TMEM132B: variants seen among roughly 807,000 people sequenced by gnomAD.
TMEM132B encodes transmembrane protein 132B.
TMEM132B carries 18 observed loss-of-function variants against 90.8 expected under a neutral mutation model. The observed-to-expected ratio is 0.20, with a 90% CI of 0.14 to 0.29. The LOEUF (loss-of-function observed/expected upper bound fraction) is 0.29. TMEM132B is among the 10% of genes least tolerant of loss of function. TMEM132B has a pLI of 1.00. For missense variants in TMEM132B, 1,096 were observed against 1,326.8 expected, an observed-to-expected ratio of 0.83 and a Z score of 2.70; for synonymous variants, 504 against 523.3, an observed-to-expected ratio of 0.96 and a Z score of 0.50.
intron 5 of TMEM132B, among the ~76,000 whole-genome samples, chr12:125,635,135 GATTT>G (rs1886451570): frequency 6.6e-6 from 1 of 152,140 alleles, no homozygotes; most frequent in Non-Finnish European, 1.5e-5. Context: ...CCTAGGGCTG[GATTT>G]ATTTATTTAA....
intron 1 of TMEM132B, among the ~76,000 whole-genome samples, chr12:125,339,843 C>A (rs924940306): frequency 5.3e-5 from 8 of 152,178 alleles, no homozygotes; most frequent in African/African-American, 1.4e-4. Context: ...AAGACCCTGT[C>A]CCAAAATACA....
chr12:125,588,898 G>T (rs1885240087), intron 5 of TMEM132B, among the ~76,000 whole-genome samples: 1 of 152,122 alleles, frequency 6.6e-6, no homozygotes, highest in South Asian at 2.1e-4. Flanking sequence ...TTAAATCTAT[G>T]TGTGATAAAA....
intron 1 of TMEM132B, among the ~76,000 whole-genome samples, chr12:125,299,351 C>T (rs1310064677): frequency 6.6e-6 from 1 of 152,150 alleles, no homozygotes; most frequent in Non-Finnish European, 1.5e-5. Flanking sequence ...TCCTGCCTCC[C>T]TGGCGGCTCC....
chr12:125,311,210 G>A (rs546267842), intron 1 of TMEM132B, among the ~76,000 whole-genome samples: 14 of 152,264 alleles, frequency 9.2e-5, no homozygotes, highest in Non-Finnish European at 1.6e-4. Context: ...CACTCAACCC[G>A]TTTGGCATCC....
At chr12:125,216,880 C>CATT (rs1164797438) in intron 1 of TMEM132B, among the ~76,000 whole-genome samples, 1 of 152,212 alleles carries the variant, frequency 6.6e-6, no homozygotes, top group Non-Finnish European at 1.5e-5. Context: ...GCAGCTCCTC[C>CATT]ATTATCCGCA....
rs772736831 is a variant in TMEM132B, at chr12:125,349,497, C to T, written c.113C>T (p.Ser38Leu). 8.2e-5 allele frequency: 132 copies of T among 1,613,694 alleles called. No homozygotes were observed. In the Admixed American group the frequency reaches 2.0e-3, roughly 25 times the overall value. ...GTGGATAGCCTGCAGAAGTTTTCCT[C>T]GCTCCCTGCTTACCTCCCCACGAAC... ...GIVDSLQKFS[S>L]LPAYLPTNLH... Residue 38 changes from serine to leucine, a missense_variant, in exon 2 of 9, where the codon TCG becomes TTG. Transcript: ENST00000682704. This position sits in a 1 kb window ranked among gnomAD's most constrained non-coding sequence, Gnocchi z 4.1.
At chr12:125,227,106 G>T (rs1192976818) in intron 1 of TMEM132B, among the ~76,000 whole-genome samples, 1 of 152,180 alleles carries the variant, frequency 6.6e-6, no homozygotes, top group African/African-American at 2.4e-5. Flanking sequence ...CTTGGGGTGG[G>T]TTCACTCCAA....
chr12:125,416,885 A>G (rs1169370654), intron 3 of TMEM132B, among the ~76,000 whole-genome samples: 2 of 152,102 alleles, frequency 1.3e-5, no homozygotes, highest in South Asian at 2.1e-4. Context: ...CCTGCTAGAC[A>G]CTCCTAAATT....
chr12:125,526,139 G>A lies in TMEM132B; in HGVS notation c.1293+6514G>A, dbSNP rs568744054. 5.3e-5 allele frequency among the ~76,000 whole-genome samples: 8 copies of A among 150,684 alleles called. No homozygotes were observed. The East Asian group carries it at 7.7e-4, about 15-fold the overall frequency. ...GTGTCACAGGCTGCCCAGCTACCCC[G>A]TTACCAGCCTCCCTCCTCTGGGCCT... On this transcript the variant is annotated intron_variant, in intron 4 of 8. Transcript: ENST00000682704.
At chr12:125,609,618 A>G (rs1885776100) in intron 5 of TMEM132B, among the ~76,000 whole-genome samples, 1 of 151,692 alleles carries the variant, frequency 6.6e-6, no homozygotes, top group Non-Finnish European at 1.5e-5. Context: ...GATCCAGACC[A>G]TCCTGGCCAA....
rs974778855 is a variant in TMEM132B at position 125,213,159 on chromosome 12, T to C, written c.67+26293T>C. Among the ~76,000 whole-genome samples the C allele has an allele frequency of 6.6e-6, 1 of 152,240 alleles. No individual in the cohort carries two copies. The stretch of plus-strand genomic sequence containing the variant: ...GCTGGTTCTGGCTATTTAATACAAA[T>C]GCAGTCTTAAAATATGCACCCTTTT... On this transcript the variant is annotated intron_variant, in intron 1 of 8. Coordinates refer to ENST00000682704, the MANE Select transcript of TMEM132B (RefSeq NM_001366854.1). The surrounding 1 kb of genome is among the most constrained non-coding windows in gnomAD (Gnocchi z 4.2).
intron 5 of TMEM132B, among the ~76,000 whole-genome samples, chr12:125,627,763 A>T (rs986133212): frequency 3.3e-5 from 5 of 151,990 alleles, no homozygotes; most frequent in Non-Finnish European, 4.4e-5. Flanking sequence ...ACTAGGTTTT[A>T]TTCTTTCTAT....
At chr12:125,496,796 C>A (rs973560991) in intron 3 of TMEM132B, among the ~76,000 whole-genome samples, 14 of 152,152 alleles carry the variant, frequency 9.2e-5, no homozygotes, top group Non-Finnish European at 1.5e-5. Context: ...TTTCCTCTAC[C>A]CCCACTTCTT....
At chr12:125,518,896 TTCTTTCTCACTCTCAG>T (rs1883233110) in intron 3 of TMEM132B, among the ~76,000 whole-genome samples, 1 of 152,200 alleles carries the variant, frequency 6.6e-6, no homozygotes, top group African/African-American at 2.4e-5. Context: ...GTGTGTGAAG[TTCTTTCTCACTCTCAG>T]TCTCCTGATG....
chr12:125,586,982 G>C (rs1885192994), intron 5 of TMEM132B: 1 of 152,130 alleles, frequency 6.6e-6, no homozygotes, highest in Non-Finnish European at 1.5e-5. Flanking sequence ...AAATACAAAA[G>C]TTAAGGCCAC....
chr12:125,354,209 G>A (rs1877688149), intron 2 of TMEM132B, among the ~76,000 whole-genome samples: 1 of 152,216 alleles, frequency 6.6e-6, no homozygotes, highest in African/African-American at 2.4e-5. Flanking sequence ...GGGACTTGAT[G>A]CTTACTTAAA....
chr12:125,499,421 T>C (rs1412271573), intron 3 of TMEM132B, among the ~76,000 whole-genome samples: 1 of 152,228 alleles, frequency 6.6e-6, no homozygotes, highest in East Asian at 1.9e-4. Flanking sequence ...GTAAAGACAA[T>C]GCCAGGTTGG....
At chr12:125,379,766 A>G (rs1019090240) in intron 2 of TMEM132B, among the ~76,000 whole-genome samples, 1 of 152,174 alleles carries the variant, frequency 6.6e-6, no homozygotes, top group Non-Finnish European at 1.5e-5. Context: ...GAGCACCAGA[A>G]TATTACATGT....
intron 1 of TMEM132B, among the ~76,000 whole-genome samples, chr12:125,274,588 G>A (rs1029769689): frequency 6.6e-6 from 1 of 152,198 alleles, no homozygotes; most frequent in African/African-American, 2.4e-5. Flanking sequence ...TGCTGCCTGC[G>A]ACTATCATTC....
Sources: gnomAD v4.1 joint callset for allele counts (sites outside exome capture counted in the v4.1 genomes callset) on GRCh38, gnomAD v4.1.1 for gene constraint, Gnocchi (gnomAD v3.1) non-coding constraint, MANE v1.5 for transcripts, NCBI Gene and HGNC (gene_info 2026-07-23, HGNC 2026-07-21) for gene names.